The following MLX variants were observed in gnomAD, a reference collection of about 807,000 sequenced individuals.
The protein encoded by MLX is max-like protein X.
In MLX, 15 loss-of-function variants were observed where a neutral mutation model predicts 33.0. That is an observed-to-expected ratio of 0.45 (90% CI 0.30 to 0.70). The LOEUF (loss-of-function observed/expected upper bound fraction) is 0.70, where lower values mean the gene tolerates loss of function less well. Among genes scored for constraint, MLX ranks in the 30% least tolerant of loss-of-function variants. The pLI, the probability that MLX is intolerant of heterozygous loss-of-function variation, is 0.07. For missense variants in MLX, 285 were observed against 306.3 expected, an observed-to-expected ratio of 0.93 and a Z score of 0.52; for synonymous variants, 115 against 115.6, an observed-to-expected ratio of 0.99 and a Z score of 0.03.
chr17:42,567,810 A>G, intron 2 of MLX, 155 bp downstream of exon 2: 1 of 928,632 alleles, frequency 1.1e-6, no homozygotes. Context: ...AGGGCAGAAA[A>G]CAACTGAGGG....
Position 42,572,564 on chromosome 17 carries a change from GT to G in MLX, c.*965del, listed in dbSNP as rs760859792. On this transcript the variant is annotated 3_prime_UTR_variant, in exon 8 of 8. Transcript: ENST00000435881. ...GAAGCCGTGGGCCCTCCAAATGCTC[GT>G]TTTATAGCAACCTCTCTCTACCCTA... 1 of 453,290 alleles carries G rather than the reference GT, an allele frequency of 2.2e-6. No individual in the cohort carries two copies. The highest frequency in any genetic ancestry group is 6.9e-5 in the East Asian group (1 of 14,526). 28.1% of individuals were successfully genotyped at this position (453,290 alleles called of 1,614,324 possible).
chr17:42,572,671 A>G lies in MLX; in HGVS notation c.*1068A>G, dbSNP rs1314924921. The G allele has an allele frequency of 1.2e-5, 5 of 404,178 alleles. No homozygotes were observed. Among genetic ancestry groups the G allele is most frequent in the African/African-American group, 8.2e-5 (4 of 48,552 alleles). 25.0% of individuals were successfully genotyped at this position (404,178 alleles called of 1,614,324 possible). ...TCCAGAGGAAATTAAATATTTTTATATAAAATTAAATTATAATAAATATTG... is the reference window on the plus strand; with the variant it reads ...TCCAGAGGAAATTAAATATTTTTATGTAAAATTAAATTATAATAAATATTG... On this transcript the variant is annotated 3_prime_UTR_variant, in exon 8 of 8. Coordinates refer to ENST00000435881, the MANE Select transcript of MLX (RefSeq NM_198204.2).
At position 42,572,709 on chromosome 17, in the gene MLX, C is replaced by T; in HGVS notation, c.*1106C>T. The T allele has an allele frequency of 1.7e-6, 1 of 579,628 alleles. No individual in the cohort carries two copies. Among genetic ancestry groups the T allele is most frequent in the South Asian group, 1.5e-5 (1 of 65,606 alleles). The allele number at this position is 579,628 out of a possible 1,614,324, so 35.9% of individuals were successfully genotyped here. A position where few individuals can be genotyped will look rare whatever the true frequency, so the allele number is the denominator to read the frequency against. On this transcript the variant is annotated 3_prime_UTR_variant, in exon 8 of 8. Transcript: ENST00000435881. ...ATAATAAATATTGCCAAATGCTTTC[C>T]TTTAGCATTGTTCCAAGTCTAAATG...
chr17:42,567,482 C>A, intron 1 of MLX, 137 bp from the exon 2 acceptor site: 1 of 1,475,418 alleles, frequency 6.8e-7, no homozygotes, highest in Non-Finnish European at 9.2e-7. Flanking sequence ...GCACCCCGGG[C>A]TGTGTGTGTG....
Position 42,571,691 on chromosome 17 carries a change from T to C in MLX, c.*88T>C. 1 of 1,230,064 alleles carries C rather than the reference T, an allele frequency of 8.1e-7. No individual in the cohort carries two copies. The highest frequency in any genetic ancestry group is 1.2e-6 in the Non-Finnish European group (1 of 829,930). The allele number at this position is 1,230,064 out of a possible 1,614,324, so 76.2% of individuals were successfully genotyped here. On this transcript the variant is annotated 3_prime_UTR_variant, in exon 8 of 8. Transcript: ENST00000435881. ...AACTGCTGGGCCCGGGAGACTGGAC[T>C]ACAACACCTCACACTGGTCAGCTGG...
intron 6 of MLX, 107 bp from the exon 7 acceptor site, chr17:42,569,872 CAGA>C (rs1411713074): frequency 1.8e-5 from 19 of 1,079,214 alleles, no homozygotes; most frequent in Admixed American, 7.6e-5. Flanking sequence ...GAACCCCACC[CAGA>C]AGCTCTCTGG....
In MLX at chr17:42,570,877, G is replaced by A. The variant is rs189315909; in HGVS notation, c.679-670G>A. On this transcript the variant is annotated intron_variant, in intron 7 of 7. Transcript: ENST00000435881. ...TCACCGTGTTAGCCAGGATGGTCTCGATCTCCTGACCTTGTGATCCACCCG... is the reference window on the plus strand; with the variant it reads ...TCACCGTGTTAGCCAGGATGGTCTCAATCTCCTGACCTTGTGATCCACCCG... 3.0e-3 allele frequency among the ~76,000 whole-genome samples: 460 copies of A among 152,098 alleles called. 3 individuals carry two copies. The highest frequency in any genetic ancestry group is 9.9e-3 in the African/African-American group (409 of 41,472).
intron 1 of MLX, 21 bp from the exon 2 acceptor site, chr17:42,567,598 T>C (rs1241386389): frequency 1.2e-6 from 2 of 1,613,802 alleles, no homozygotes; most frequent in Non-Finnish European, 1.7e-6. Flanking sequence ...TGACGGGCCC[T>C]TCCCGTGCTC....
At position 42,572,771 on chromosome 17, in the gene MLX, G is replaced by A. The variant is rs1290616382; in HGVS notation, c.*1168G>A. On this transcript the variant is annotated 3_prime_UTR_variant, in exon 8 of 8. Coordinates refer to ENST00000435881, the MANE Select transcript of MLX (RefSeq NM_198204.2). ...CTACTGCAATTTAGACAATGAAATGGGCTGGGTCTACCCCCAGCCACCAGC... is the reference window on the plus strand; with the variant it reads ...CTACTGCAATTTAGACAATGAAATGAGCTGGGTCTACCCCCAGCCACCAGC... 2 of 700,890 alleles carry A rather than the reference G, an allele frequency of 2.9e-6. No homozygotes were observed. The highest frequency in any genetic ancestry group is 5.5e-5 in the East Asian group (2 of 36,560). 43.4% of individuals were successfully genotyped at this position (700,890 alleles called of 1,614,324 possible).
At chr17:42,569,634 C>T (rs771520357) in intron 6 of MLX, 28 bp downstream of exon 6, 5 of 1,574,456 alleles carry the variant, frequency 3.2e-6, no homozygotes, top group South Asian at 2.2e-5. Context: ...TGGGGGGAAC[C>T]AGAACTTCTG....
intron 3 of MLX, 78 bp downstream of exon 3, chr17:42,568,637 C>A (rs2093018862): frequency 5.0e-6 from 7 of 1,398,430 alleles, no homozygotes. Flanking sequence ...ACAGGGAAGC[C>A]CCAGCCATCC....
Position 42,567,648 on chromosome 17 carries a change from G to T in MLX, c.72G>T (p.Leu24=), listed in dbSNP as rs199497791. ...KVEYAYSDNS[L]DPGLFVESTR... ...AGTATGCCTACAGCGACAACAGCCTGGACCCCGGTGAGTAGCTGCCCCATC... is the reference window on the plus strand; with the variant it reads ...AGTATGCCTACAGCGACAACAGCCTTGACCCCGGTGAGTAGCTGCCCCATC... The change falls in exon 2 of 8, where the codon CTG becomes CTT. Residue 24 remains leucine (L), a synonymous_variant. Transcript: ENST00000435881. 6.2e-7 allele frequency: 1 copy of T among 1,614,000 alleles called. No individual in the cohort carries two copies. Among genetic ancestry groups the T allele is most frequent in the African/African-American group, 1.3e-5 (1 of 74,922 alleles).
Position 42,568,454 on chromosome 17 carries a change from G to A in MLX, c.80-16G>A. 1 of 1,607,196 alleles carries A rather than the reference G, an allele frequency of 6.2e-7. No homozygotes were observed. The highest frequency in any genetic ancestry group is 8.5e-7 in the Non-Finnish European group (1 of 1,173,916). On this transcript the variant is annotated splice_polypyrimidine_tract_variant and intron_variant, in intron 2 of 7. Transcript: ENST00000435881. ...CCCCACCCCACCCCTTAGTGATTGG[G>A]GCCTCTCTTTTCCAGGGCTTTTTGT...
At chr17:42,571,429 CG>C (rs35804110) in intron 7 of MLX, 117 bp from the exon 8 acceptor site, 4 of 1,129,440 alleles carry the variant, frequency 3.5e-6, no homozygotes, top group Admixed American at 1.8e-5. Context: ...ACCTGGCCCC[CG>C]GGGGGCTATT....
Position 42,572,650 on chromosome 17 carries a change from G to C in MLX, c.*1047G>C, listed in dbSNP as rs745322417. 37 of 411,212 alleles carry C rather than the reference G, an allele frequency of 9.0e-5. No homozygotes were observed. The highest frequency in any genetic ancestry group is 1.9e-5 in the Non-Finnish European group (4 of 205,916). The allele number at this position is 411,212 out of a possible 1,614,324, so 25.5% of individuals were successfully genotyped here. The stretch of plus-strand genomic sequence containing the variant: ...GATATCTGGCAGGTTTGACTATCCA[G>C]AGGAAATTAAATATTTTTATATAAA... On this transcript the variant is annotated 3_prime_UTR_variant, in exon 8 of 8. Transcript: ENST00000435881.
intron 1 of MLX, 48 bp from the exon 2 acceptor site, chr17:42,567,571 C>T (rs748334404): frequency 1.9e-6 from 3 of 1,612,992 alleles, no homozygotes; most frequent in African/African-American, 1.3e-5. Context: ...GGGCGCCTCC[C>T]CCTAGGGGCG....
intron 7 of MLX, among the ~76,000 whole-genome samples, chr17:42,570,746 C>G (rs2093027829): frequency 6.6e-6 from 1 of 152,090 alleles, no homozygotes; most frequent in African/African-American, 2.4e-5. Flanking sequence ...ACCTCCGCCT[C>G]CCGGGTTCAC....
rs2093034135 is a variant in MLX at position 42,571,771 on chromosome 17, G to A, written c.*168G>A. The A allele has an allele frequency of 4.6e-6, 3 of 655,906 alleles. No individual in the cohort carries two copies. Among genetic ancestry groups the A allele is most frequent in the Admixed American group, 2.8e-5 (1 of 36,122 alleles). 40.6% of individuals were successfully genotyped at this position (655,906 alleles called of 1,614,324 possible). A position where few individuals can be genotyped will look rare whatever the true frequency, so the allele number is the denominator to read the frequency against. On this transcript the variant is annotated 3_prime_UTR_variant, in exon 8 of 8. Transcript: ENST00000435881. ...CCCATTTTATCTTCAGCGGAGCCGC[G>A]GTGTTTGTTTTGTGAAAGCTTCTGA...
chr17:42,567,253 C>T lies in MLX; in HGVS notation c.42+87C>T, dbSNP rs979974482. 8 of 1,336,728 alleles carry T rather than the reference C, an allele frequency of 6.0e-6. No homozygotes were observed. In the African/African-American group the frequency reaches 1.2e-4, roughly 20 times the overall value. 82.8% of individuals were successfully genotyped at this position (1,336,728 alleles called of 1,614,324 possible). Reference sequence around the variant, plus strand: ...GGGCCGGAAGACGAGGGGCTTCCCTCCTGTCCCCAAAGTCCCCCACGCTCT... The same window carrying T: ...GGGCCGGAAGACGAGGGGCTTCCCTTCTGTCCCCAAAGTCCCCCACGCTCT... On this transcript the variant is annotated intron_variant, in intron 1 of 7. Transcript: ENST00000435881.
Sources: allele counts gnomAD v4.1 joint callset (sites outside exome capture counted in the v4.1 genomes callset), GRCh38; gene constraint gnomAD v4.1.1; transcripts MANE v1.5; gene names NCBI Gene and HGNC (gene_info 2026-07-23, HGNC 2026-07-21).